PER3: variants seen among roughly 807,000 people sequenced by gnomAD.
PER3 encodes period circadian regulator 3, also known as period circadian protein homolog 3.
PER3 carries 107 observed loss-of-function variants against 127.2 expected under a neutral mutation model. The ratio of observed to expected loss-of-function variants is 0.84; its 90% CI spans 0.72 to 0.99. PER3 has a LOEUF of 0.99. PER3 is among the 50% of genes least tolerant of loss of function. PER3 has a pLI of 0.00. For missense variants in PER3, 1,560 were observed against 1,525.8 expected (o/e 1.02, Z -0.37); for synonymous variants, 618 against 585.8 (o/e 1.05, Z -0.79).
At position 7,844,059 on chromosome 1, in the gene PER3, G is replaced by GT. The variant is rs1459798599; in HGVS notation, c.*1310dup. 92 of 836,244 alleles carry GT rather than the reference G, an allele frequency of 1.1e-4. No homozygotes were observed. Among genetic ancestry groups the GT allele is most frequent in the Middle Eastern group, 5.5e-4 (1 of 1,802 alleles). The allele number at this position is 836,244 out of a possible 1,614,324, so 51.8% of individuals were successfully genotyped here. On this transcript the variant is annotated 3_prime_UTR_variant, in exon 22 of 22. Coordinates refer to ENST00000377532, the MANE Select transcript of PER3 (RefSeq NM_001377275.1). ...TTTTTTTTTCCTTTTTTTGTTTTTG[G>GT]TTTTTTATGGTTTTTTAAGGAAAAT...
chr1:7,837,072 C>T lies in PER3; in HGVS notation c.3472C>T (p.His1158Tyr). The change falls in exon 21 of 22, where the codon CAT becomes TAT. Residue 1158 changes from histidine (H) to tyrosine (Y), a missense_variant. Physicochemically the swap from His to Tyr is moderately conservative, Grantham distance 83. Transcript: ENST00000377532. Reference sequence around the variant, plus strand: ...GAGGCAGCAGCAGCCCCAGTTTTCTCATGGGCAAAAGGAGGAGCTGGCTAA... The same window carrying T: ...GAGGCAGCAGCAGCCCCAGTTTTCTTATGGGCAAAAGGAGGAGCTGGCTAA... ...SMRQQQPQFS[H>Y]GQKEELAKVY... The T allele has an allele frequency of 2.5e-6, 4 of 1,613,972 alleles. No homozygotes were observed. The highest frequency in any genetic ancestry group is 3.4e-6 in the Non-Finnish European group (4 of 1,179,882).
At chr1:7,832,225 C>T (rs181890651) in intron 19 of PER3, among the ~76,000 whole-genome samples, 1 of 152,006 alleles carries the variant, frequency 6.6e-6, no homozygotes, top group Non-Finnish European at 1.5e-5. Flanking sequence ...TAATGTACCC[C>T]TCTTATTGCT....
intron 4 of PER3, chr1:7,787,777 G>T (rs948103382): frequency 8.7e-6 from 4 of 458,880 alleles, no homozygotes; most frequent in East Asian, 4.3e-5. Context: ...GAGAAGTTAT[G>T]TGCCATACGT....
Position 7,827,660 on chromosome 1 carries a change from G to A in PER3, c.2731G>A (p.Glu911Lys), listed in dbSNP as rs1012650424. The A allele has an allele frequency of 6.2e-6, 10 of 1,614,206 alleles. No homozygotes were observed. The highest frequency in any genetic ancestry group is 1.3e-5 in the African/African-American group (1 of 75,044). ...PPPSVTSQRREEEKWEAQSEG... is the reference protein window; with the variant it reads ...PPPSVTSQRRKEEKWEAQSEG... Reference sequence around the variant, plus strand: ...CCCTTCAGTCACCAGCCAAAGGAGAGAGGAGGAAAAGTGGGAGGCACAAAG... The same window carrying A: ...CCCTTCAGTCACCAGCCAAAGGAGAAAGGAGGAAAAGTGGGAGGCACAAAG... Residue 911 changes from glutamate (E) to lysine (K), a missense_variant, in exon 18 of 22, where the codon GAG becomes AAG. Physicochemically the swap from Glu to Lys is moderately conservative, Grantham distance 56. Around this residue, in one of 3 missense-constraint regions of PER3, gnomAD observed 1,332 missense variants for 1,223.6 expected, o/e 1.09. Transcript: ENST00000377532.
chr1:7,790,599 A>G (rs1258122677), intron 5 of PER3, among the ~76,000 whole-genome samples: 1 of 152,152 alleles, frequency 6.6e-6, no homozygotes, highest in East Asian at 1.9e-4. Context: ...AAATGCAATC[A>G]TGCTTTTCCA....
chr1:7,824,964 G>T (rs561424806), intron 16 of PER3, among the ~76,000 whole-genome samples: 1 of 152,028 alleles, frequency 6.6e-6, no homozygotes, highest in African/African-American at 2.4e-5. Flanking sequence ...GGCAGTCCTC[G>T]GGCTCACCTC....
chr1:7,835,827 CA>C lies in PER3; in HGVS notation c.3281del (p.Gln1094ArgfsTer23), dbSNP rs1211290382. 1 of 1,611,374 alleles carries C rather than the reference CA, an allele frequency of 6.2e-7. No individual in the cohort carries two copies. The highest frequency in any genetic ancestry group is 8.5e-7 in the Non-Finnish European group (1 of 1,177,562). ...VYSSKISQNG[Q>X]QSQDVQKKET... Reference sequence around the variant, plus strand: ...TTCTTCTAAAATCTCCCAAAATGGGCAGCAATCTCAGGACGTACAGAAAAAA... The same window carrying C: ...TTCTTCTAAAATCTCCCAAAATGGGCGCAATCTCAGGACGTACAGAAAAAA... On this transcript the variant is annotated frameshift_variant, in exon 20 of 22. Coordinates refer to ENST00000377532, the MANE Select transcript of PER3 (RefSeq NM_001377275.1). LOFTEE classifies it high-confidence loss of function.
chr1:7,820,714 A>C, intron 16 of PER3, 74 bp downstream of exon 16: 1 of 1,241,872 alleles, frequency 8.1e-7, no homozygotes, highest in Non-Finnish European at 1.1e-6. Context: ...AAAAGTCATG[A>C]ATACCATTCG....
intron 10 of PER3, among the ~76,000 whole-genome samples, chr1:7,805,778 C>A (rs1291190770): frequency 1.3e-5 from 2 of 152,082 alleles, no homozygotes; most frequent in Admixed American, 6.5e-5. Context: ...TTCCCCAGCC[C>A]CAGTCAGGGT....
rs2097302477 is a variant in PER3, at chr1:7,826,563, G to T, written c.2041G>T (p.Gly681Trp). 9.3e-6 allele frequency: 15 copies of T among 1,613,692 alleles called. No individual in the cohort carries two copies. Among genetic ancestry groups the T allele is most frequent in the African/African-American group, 1.3e-5 (1 of 74,886 alleles). Residue 681 changes from glycine to tryptophan, a missense_variant, in exon 17 of 22, where the codon GGG (glycine) becomes TGG (tryptophan). Gly to Trp is a radical substitution (Grantham distance 184, BLOSUM62 -2). Coordinates refer to ENST00000377532, the MANE Select transcript of PER3 (RefSeq NM_001377275.1). The surrounding 1 kb of genome is among the most constrained non-coding windows in gnomAD (Gnocchi z 4.2). ...PLTSEEFKHV[G>W]LTAAVLSAHT... ...GACCTCGGAAGAATTTAAACACGTG[G>T]GGCTCACAGCGGCTGTTCTGTCAGC...
At position 7,835,797 on chromosome 1, in the gene PER3, G is replaced by A; in HGVS notation, c.3250G>A (p.Val1084Ile). 6.2e-7 allele frequency: 1 copy of A among 1,612,620 alleles called. No homozygotes were observed. Among genetic ancestry groups the A allele is most frequent in the South Asian group, 1.1e-5 (1 of 91,052 alleles). ...CAGCAGTATATACCTTACTAGTAGT[G>A]TTTATTCTTCTAAAATCTCCCAAAA... ...SDSSIYLTSS[V>I]YSSKISQNGQ... Residue 1084 changes from valine to isoleucine, a missense_variant, in exon 20 of 22, where the codon GTT (valine) becomes ATT (isoleucine). Physicochemically the swap from Val to Ile is conservative, Grantham distance 29. Coordinates refer to ENST00000377532, the MANE Select transcript of PER3 (RefSeq NM_001377275.1).
In PER3 at chr1:7,827,523, T is replaced by C. The variant is rs1217395301; in HGVS notation, c.2594T>C (p.Val865Ala). The stretch of plus-strand genomic sequence containing the variant: ...ACCGTTTTCCTGCCTGACCCCCCTG[T>C]CTGTCCTCTGTTGTCGCCATCGTTT... Reference protein sequence around the residue: ...FMTVFLPDPPVCPLLSPSFLP... With the variant: ...FMTVFLPDPPACPLLSPSFLP... The change falls in exon 18 of 22, where the codon GTC becomes GCC. Residue 865 changes from valine (V) to alanine (A), a missense_variant. Transcript: ENST00000377532. The C allele has an allele frequency of 1.9e-6, 3 of 1,614,106 alleles. No individual in the cohort carries two copies. The highest frequency in any genetic ancestry group is 2.5e-6 in the Non-Finnish European group (3 of 1,180,058).
intron 21 of PER3, among the ~76,000 whole-genome samples, chr1:7,840,233 G>A (rs2097378879): frequency 6.6e-6 from 1 of 151,430 alleles, no homozygotes; most frequent in Admixed American, 6.6e-5. Flanking sequence ...CTTCTTTTTA[G>A]GTTTACTATC....
intron 10 of PER3, among the ~76,000 whole-genome samples, chr1:7,806,381 TACTTC>T (rs1183214049): frequency 6.6e-6 from 1 of 152,214 alleles, no homozygotes; most frequent in Non-Finnish European, 1.5e-5. Context: ...CTCTTACTCC[TACTTC>T]ACTTCACATA....
rs1445851950 is a variant in PER3, at chr1:7,820,590, G to A, written c.1907G>A (p.Ser636Asn). The change falls in exon 16 of 22, where the codon AGC (serine) becomes AAC (asparagine). Residue 636 changes from serine to asparagine, a missense_variant. By Grantham distance (46) the Ser-to-Asn change is conservative. Transcript: ENST00000377532. ...ATGCTGAGCTTGGGGTCGGGCATAA[G>A]CCAATGCGGTTACAGCAGCACCATT... is the stretch of plus-strand genomic sequence containing the variant. Reference protein sequence around the residue: ...TAMLSLGSGISQCGYSSTIVH... With the variant: ...TAMLSLGSGINQCGYSSTIVH... The A allele has an allele frequency of 6.2e-7, 1 of 1,614,160 alleles. No homozygotes were observed. Among genetic ancestry groups the A allele is most frequent in the Admixed American group, 1.7e-5 (1 of 60,018 alleles).
chr1:7,817,123 G>A (rs2097255058), intron 13 of PER3, among the ~76,000 whole-genome samples: 1 of 152,302 alleles, frequency 6.6e-6, no homozygotes, highest in Non-Finnish European at 1.5e-5. Flanking sequence ...TCTAGCTCTG[G>A]AAAACAGATC....
Position 7,820,108 on chromosome 1 carries a change from GT to G in PER3, c.1659-5del. On this transcript the variant is annotated splice_polypyrimidine_tract_variant and splice_region_variant and intron_variant, in intron 14 of 21. Transcript: ENST00000377532. ...TAAGAATGTGTGGCCTAATTATGTT[GT>G]TACAGATACCTGAAGAGCTACAACA... 1.2e-6 allele frequency: 2 copies of G among 1,612,524 alleles called. No individual in the cohort carries two copies. The highest frequency in any genetic ancestry group is 1.7e-6 in the Non-Finnish European group (2 of 1,179,402).
chr1:7,820,627 A>G lies in PER3; in HGVS notation c.1944A>G (p.Pro648=). Residue 648 remains proline (P), a synonymous_variant, in exon 16 of 22, where the codon CCA becomes CCG. Coordinates refer to ENST00000377532, the MANE Select transcript of PER3 (RefSeq NM_001377275.1). ...ACAGCAGCACCATTGTCCATGTCCC[A>G]CCCCCAGAGACAGGTACCACACTCG... is the stretch of plus-strand genomic sequence containing the variant. ...CGYSSTIVHV[P]PPETARDATL... is the part of the protein sequence containing the mutation. The G allele has an allele frequency of 6.2e-7, 1 of 1,610,170 alleles. No homozygotes were observed. The highest frequency in any genetic ancestry group is 8.5e-7 in the Non-Finnish European group (1 of 1,178,128).
Position 7,784,652 on chromosome 1 carries a change from A to C in PER3, c.-224-2A>C. ...CTTGTCACCCTTGTCTCCTCCCCCT[A>C]GGCCGGAGTCCTGAAAGTCGAGCGA... On this transcript the variant is annotated splice_acceptor_variant, in intron 1 of 21. Coordinates refer to ENST00000377532, the MANE Select transcript of PER3 (RefSeq NM_001377275.1). LOFTEE classifies it low-confidence loss of function (5UTR_SPLICE). 2.2e-6 allele frequency: 1 copy of C among 444,848 alleles called. No individual in the cohort carries two copies. The highest frequency in any genetic ancestry group is 3.9e-6 in the Non-Finnish European group (1 of 254,878). 27.6% of individuals were successfully genotyped at this position (444,848 alleles called of 1,614,324 possible).
Sources: allele counts gnomAD v4.1 joint callset (sites outside exome capture counted in the v4.1 genomes callset), GRCh38; gene constraint gnomAD v4.1.1; regional missense constraint gnomAD v4.1.1; non-coding constraint Gnocchi (gnomAD v3.1); transcripts MANE v1.5; gene names NCBI Gene and HGNC (gene_info 2026-07-23, HGNC 2026-07-21).